MCTP1: variants seen among roughly 807,000 people sequenced by gnomAD.
The protein encoded by MCTP1 is multiple C2 and transmembrane domain-containing protein 1.
Under a neutral mutation model 120.6 loss-of-function variants are expected in MCTP1, and 69 were observed. The observed-to-expected ratio is 0.57, with a 90% CI of 0.47 to 0.70. MCTP1 has a LOEUF of 0.70. Among genes scored for constraint, MCTP1 ranks in the 30% least tolerant of loss-of-function variants. The pLI, the probability that MCTP1 is intolerant of heterozygous loss-of-function variation, is 0.00. For synonymous variants in MCTP1, 529 were observed against 493.1 expected (o/e 1.07, Z -0.96); for missense variants, 1,203 against 1,248.8 (o/e 0.96, Z 0.55).
In MCTP1 at chr5:94,706,472, A is replaced by ACAC. The variant is rs1275968349; in HGVS notation, c.*1021_*1023dup. ...TTTTTTAATAAATGAATGTAGTGAA[A>ACAC]CACTGGCATATCACTTAGCACACTG... On this transcript the variant is annotated 3_prime_UTR_variant, in exon 23 of 23. Transcript: ENST00000515393. 2.0e-5 allele frequency: 3 copies of ACAC among 151,738 alleles called. No individual in the cohort carries two copies. The highest frequency in any genetic ancestry group is 7.2e-5 in the African/African-American group (3 of 41,392). 9.4% of individuals were successfully genotyped at this position (151,738 alleles called of 1,614,324 possible).
At chr5:94,780,706 A>T (rs1776387309) in intron 18 of MCTP1, among the ~76,000 whole-genome samples, 2 of 152,142 alleles carry the variant, frequency 1.3e-5, no homozygotes. Flanking sequence ...CTCTAACTAT[A>T]TTCAGCTACT....
chr5:94,961,695 G>A (rs1824245205), intron 2 of MCTP1, among the ~76,000 whole-genome samples: 1 of 152,166 alleles, frequency 6.6e-6, no homozygotes, highest in South Asian at 2.1e-4. Flanking sequence ...TGGTCCTTAA[G>A]TAAATCATTC....
At chr5:94,726,502 G>C (rs773034601) in intron 19 of MCTP1, among the ~76,000 whole-genome samples, 1 of 152,096 alleles carries the variant, frequency 6.6e-6, no homozygotes, top group Non-Finnish European at 1.5e-5. Context: ...ACCAAAGAAA[G>C]ATTCCGATTC....
intron 19 of MCTP1, among the ~76,000 whole-genome samples, chr5:94,767,690 G>C (rs1166137946): frequency 6.6e-6 from 1 of 151,784 alleles, no homozygotes; most frequent in Admixed American, 6.6e-5. Flanking sequence ...AAATACCTAG[G>C]AATAAATTTA....
chr5:94,822,496 T>C (rs1664484477), intron 17 of MCTP1, among the ~76,000 whole-genome samples: 1 of 152,208 alleles, frequency 6.6e-6, no homozygotes, highest in Non-Finnish European at 1.5e-5. Context: ...TCTTTGCTAT[T>C]GTGAATAGTG....
intron 1 of MCTP1, among the ~76,000 whole-genome samples, chr5:95,221,286 C>T (rs530510982): frequency 6.6e-5 from 10 of 152,324 alleles, no homozygotes; most frequent in South Asian, 6.2e-4. Context: ...TCTGTAACTT[C>T]GAAAGAACAC....
chr5:94,711,597 G>A (rs1757030710), intron 20 of MCTP1, among the ~76,000 whole-genome samples: 1 of 152,104 alleles, frequency 6.6e-6, no homozygotes, highest in South Asian at 2.1e-4. Context: ...TACTCCTTGT[G>A]AAGGACAGCA....
At chr5:94,777,876 GCT>G (rs1403863776) in intron 19 of MCTP1, among the ~76,000 whole-genome samples, 3 of 151,784 alleles carry the variant, frequency 2.0e-5, no homozygotes, top group African/African-American at 7.3e-5. Flanking sequence ...TCACATAAAA[GCT>G]CTGTCGATTT....
chr5:95,197,600 G>A (rs2152542944), intron 1 of MCTP1, among the ~76,000 whole-genome samples: 1 of 152,166 alleles, frequency 6.6e-6, no homozygotes, highest in South Asian at 2.1e-4. Flanking sequence ...AAAAATGTAT[G>A]ATAAAACATC....
At chr5:95,170,317 T>G (rs374384795) in intron 1 of MCTP1, among the ~76,000 whole-genome samples, 2 of 152,134 alleles carry the variant, frequency 1.3e-5, no homozygotes, top group Admixed American at 1.3e-4. Context: ...TGCTGAGGAG[T>G]GCTTTACTTC....
intron 19 of MCTP1, among the ~76,000 whole-genome samples, chr5:94,728,973 A>G (rs1217808116): frequency 1.3e-5 from 2 of 152,224 alleles, no homozygotes; most frequent in African/African-American, 2.4e-5. Flanking sequence ...TGGGGATACA[A>G]TGATAAGCAA....
At chr5:94,728,055 C>G (rs1277454414) in intron 19 of MCTP1, among the ~76,000 whole-genome samples, 1 of 152,154 alleles carries the variant, frequency 6.6e-6, no homozygotes, top group African/African-American at 2.4e-5. Flanking sequence ...GTAGGCCTGT[C>G]CCCTAAACCC....
intron 2 of MCTP1, among the ~76,000 whole-genome samples, chr5:94,963,676 A>G (rs2153562127): frequency 6.6e-6 from 1 of 151,950 alleles, no homozygotes; most frequent in South Asian, 2.1e-4. Context: ...TTTTTCTGTT[A>G]CTGAGTTGTA....
At chr5:94,856,951 T>A (rs1202277948) in intron 17 of MCTP1, among the ~76,000 whole-genome samples, 1 of 151,614 alleles carries the variant, frequency 6.6e-6, no homozygotes, top group Non-Finnish European at 1.5e-5. Flanking sequence ...AATAATGGAA[T>A]AACCCATTTC....
At chr5:95,129,054 T>TC (rs1356215770) in intron 1 of MCTP1, among the ~76,000 whole-genome samples, 1 of 152,132 alleles carries the variant, frequency 6.6e-6, no homozygotes, top group Admixed American at 6.5e-5. Flanking sequence ...ATATAATTGC[T>TC]CAGGTTTAAT....
chr5:95,139,780 T>A (rs536854794), intron 1 of MCTP1, among the ~76,000 whole-genome samples: 5 of 152,310 alleles, frequency 3.3e-5, no homozygotes, highest in African/African-American at 1.2e-4. Context: ...TCCTTAAAAG[T>A]GAAAATTTTC....
At chr5:95,012,148 C>T (rs908874449) in intron 2 of MCTP1, among the ~76,000 whole-genome samples, 13 of 152,228 alleles carry the variant, frequency 8.5e-5, no homozygotes, top group African/African-American at 2.4e-4. Flanking sequence ...TATCTCCATA[C>T]ATTTTTATTT....
At chr5:94,767,048 C>G (rs1772929450) in intron 19 of MCTP1, among the ~76,000 whole-genome samples, 4 of 152,106 alleles carry the variant, frequency 2.6e-5, no homozygotes, top group Non-Finnish European at 5.9e-5. Context: ...CTAAATCCAA[C>G]AGTACATCAA....
chr5:95,019,025 T>C (rs1168668704), intron 1 of MCTP1, among the ~76,000 whole-genome samples: 1 of 152,112 alleles, frequency 6.6e-6, no homozygotes, highest in African/African-American at 2.4e-5. Flanking sequence ...TTTTCACTAG[T>C]TTTAAACAAA....
Sources: allele counts gnomAD v4.1 joint callset (sites outside exome capture counted in the v4.1 genomes callset), GRCh38; gene constraint gnomAD v4.1.1; transcripts MANE v1.5; gene names NCBI Gene and HGNC (gene_info 2026-07-23, HGNC 2026-07-21).